Variants in CUL9 observed in about 807,000 individuals in gnomAD.
The protein encoded by CUL9 is cullin-9.
CUL9 carries 79 observed loss-of-function variants against 272.6 expected under a neutral mutation model. The ratio of observed to expected loss-of-function variants is 0.29; its 90% confidence interval spans 0.24 to 0.35. The LOEUF (loss-of-function observed/expected upper bound fraction) is 0.35. Ranked by LOEUF, CUL9 falls within the 10% of genes least tolerant of loss-of-function variation. The pLI, the probability that CUL9 is intolerant of heterozygous loss-of-function variation, is 1.00. For synonymous variants in CUL9, 1,186 were observed against 1,286.5 expected (o/e 0.92, Z 1.67); for missense variants, 2,532 against 3,255.6 (o/e 0.78, Z 5.41).
At chr6:43,208,551 A>G (rs1033040089) in intron 26 of CUL9, among the ~76,000 whole-genome samples, 1 of 152,166 alleles carries the variant, frequency 6.6e-6, no homozygotes, top group Non-Finnish European at 1.5e-5. Flanking sequence ...AATGGCTACT[A>G]TGATGGACCA....
chr6:43,195,139 T>A (rs1773886298), intron 9 of CUL9, among the ~76,000 whole-genome samples: 1 of 152,160 alleles, frequency 6.6e-6, no homozygotes, highest in African/African-American at 2.4e-5. Context: ...GGGAGGGTGG[T>A]GTAACTACAG....
In CUL9 at chr6:43,186,410, C is replaced by G; in HGVS notation, c.1206C>G (p.Asp402Glu). Residue 402 changes from aspartate (D) to glutamate (E), a missense_variant, in exon 4 of 41, where the codon GAC becomes GAG. Transcript: ENST00000252050. The stretch of plus-strand genomic sequence containing the variant: ...ATTATGAGGAGATCAGTGCTGGGGA[C>G]GAGGGCGAGTTCCGGCAGAGCAACA... ...LDDYEEISAG[D>E]EGEFRQSNNG... 1 of 1,605,442 alleles carries G rather than the reference C, an allele frequency of 6.2e-7. No individual in the cohort carries two copies.
At chr6:43,197,690 G>T (rs1263883632) in intron 11 of CUL9, among the ~76,000 whole-genome samples, 1 of 151,876 alleles carries the variant, frequency 6.6e-6, no homozygotes, top group Non-Finnish European at 1.5e-5. Context: ...CACCATGTTG[G>T]TCAGGCCGGT....
chr6:43,191,130 C>A (rs554838539), intron 8 of CUL9, among the ~76,000 whole-genome samples: 1 of 151,838 alleles, frequency 6.6e-6, no homozygotes, highest in Non-Finnish European at 1.5e-5. Context: ...CAAAAATACC[C>A]ATGATTTTGT....
chr6:43,184,524 G>C lies in CUL9; in HGVS notation c.214G>C (p.Val72Leu). ...HILMWLSAPE[V>L]YANCPGLLGE... ...CCTCATGTGGCTGTCGGCTCCTGAG[G>C]TCTACGCCAACTGCCCTGGGCTGTT... The change falls in exon 2 of 41, where the codon GTC (valine) becomes CTC (leucine). Residue 72 changes from valine to leucine, a missense_variant. Coordinates refer to ENST00000252050, the MANE Select transcript of CUL9 (RefSeq NM_015089.4). The surrounding 1 kb of genome is among the most constrained non-coding windows in gnomAD (Gnocchi z 4.8). 12 of 1,612,798 alleles carry C rather than the reference G, an allele frequency of 7.4e-6. No individual in the cohort carries two copies. Among genetic ancestry groups the C allele is most frequent in the Non-Finnish European group, 1.0e-5 (12 of 1,179,042 alleles).
Position 43,206,042 on chromosome 6 carries a change from C to T in CUL9, c.4829C>T (p.Ser1610Leu), listed in dbSNP as rs376817499. 1.4e-5 allele frequency: 22 copies of T among 1,613,944 alleles called. No individual in the cohort carries two copies. The highest frequency in any genetic ancestry group is 9.9e-5 in the South Asian group (9 of 91,076). Residue 1610 changes from serine (S) to leucine (L), a missense_variant, in exon 25 of 41, where the codon TCG becomes TTG. Physicochemically the swap from Ser to Leu is moderately radical, Grantham distance 145 (BLOSUM62 -2). Transcript: ENST00000252050. This position sits in a 1 kb window ranked among gnomAD's most constrained non-coding sequence, Gnocchi z 4.8. ...YMADRLLSFG[S>L]SWLEGAVLEQ... ...GCGGACCGTCTCCTGAGCTTTGGTT[C>T]GAGCTGGCTGGAGGGGGCTGTGCTA...
At position 43,222,560 on chromosome 6, in the gene CUL9, G is replaced by A. The variant is rs1316958934; in HGVS notation, c.6951G>A (p.Val2317=). 1 of 1,613,734 alleles carries A rather than the reference G, an allele frequency of 6.2e-7. No homozygotes were observed. Among genetic ancestry groups the A allele is most frequent in the Non-Finnish European group, 8.5e-7 (1 of 1,180,046 alleles). The stretch of plus-strand genomic sequence containing the variant: ...TTGCTGTGAACTTGCGGAACCGGGT[G>A]TCTGCCATCCATGAAGTGCCCCCGC... The part of the protein sequence containing the change: ...REFAVNLRNR[V]SAIHEVPPPR... The change falls in exon 37 of 41, where the codon GTG becomes GTA. Residue 2317 remains valine (V), a synonymous_variant. Coordinates refer to ENST00000252050, the MANE Select transcript of CUL9 (RefSeq NM_015089.4).
In CUL9 at chr6:43,213,002, G is replaced by GAAGCTT; in HGVS notation, c.5213-146_5213-141dup. 1.1e-6 allele frequency: 1 copy of GAAGCTT among 872,498 alleles called. No homozygotes were observed. Among genetic ancestry groups the GAAGCTT allele is most frequent in the Non-Finnish European group, 1.7e-6 (1 of 578,874 alleles). 54.0% of individuals were successfully genotyped at this position (872,498 alleles called of 1,614,324 possible). ...CAGGCGCAGGGAAGGCTGAGATCTG[G>GAAGCTT]AAGCTTGACAAGGTATCTCTCTGTC... On this transcript the variant is annotated intron_variant, in intron 26 of 40. Transcript: ENST00000252050. The surrounding 1 kb of genome is among the most constrained non-coding windows in gnomAD (Gnocchi z 5.7).
chr6:43,206,486 C>A lies in CUL9; in HGVS notation c.5188C>A (p.Arg1730Ser). ...LPTEFCDALD[R>S]FSSFYSQSQN... is the part of the protein sequence containing the mutation. ...CACAGAATTCTGTGATGCCCTTGAC[C>A]GTTTCTCCAGTTTCTACAGCCAGAG... Residue 1730 changes from arginine to serine, a missense_variant, in exon 26 of 41, where the codon CGT becomes AGT. Coordinates refer to ENST00000252050, the MANE Select transcript of CUL9 (RefSeq NM_015089.4). The surrounding 1 kb of genome is among the most constrained non-coding windows in gnomAD (Gnocchi z 4.8). 1.9e-6 allele frequency: 3 copies of A among 1,614,150 alleles called. No individual in the cohort carries two copies. The highest frequency in any genetic ancestry group is 2.5e-6 in the Non-Finnish European group (3 of 1,180,030).
At chr6:43,214,240 C>T (rs1322480417) in intron 29 of CUL9, among the ~76,000 whole-genome samples, 5 of 150,614 alleles carry the variant, frequency 3.3e-5, no homozygotes, top group Admixed American at 1.3e-4. Flanking sequence ...GCCAACATGG[C>T]GAAACCCTGT....
chr6:43,193,244 G>C, intron 9 of CUL9, 36 bp downstream of exon 9: 1 of 1,589,778 alleles, frequency 6.3e-7, no homozygotes, highest in Non-Finnish European at 8.6e-7. Context: ...AGAACAATGG[G>C]CAAGACAGGC....
chr6:43,198,934 G>GT, intron 12 of CUL9, 79 bp downstream of exon 12: 11 of 1,446,052 alleles, frequency 7.6e-6, no homozygotes, highest in Admixed American at 4.7e-5. Context: ...TTTCTTTTCT[G>GT]TTTTCTTTTT....
chr6:43,215,207 G>C lies in CUL9; in HGVS notation c.5817G>C (p.Val1939=). 1 of 1,614,224 alleles carries C rather than the reference G, an allele frequency of 6.2e-7. No homozygotes were observed. The highest frequency in any genetic ancestry group is 1.1e-5 in the South Asian group (1 of 91,084). ...TGCACCTCTTAGGCCAGGGCTACGT[G>C]AAACGGCGTGATGACCGGCCCCAGA... ...CILHLLGQGY[V]KRRDDRPQIL... The change falls in exon 30 of 41, where the codon GTG becomes GTC. Residue 1939 remains valine, a synonymous_variant. Coordinates refer to ENST00000252050, the MANE Select transcript of CUL9 (RefSeq NM_015089.4).
chr6:43,209,955 C>CTTTTTATTTTATTTTG (rs1344246480), intron 26 of CUL9, among the ~76,000 whole-genome samples: 7 of 151,794 alleles, frequency 4.6e-5, no homozygotes, highest in South Asian at 4.2e-4. Flanking sequence ...CCCTTTTGTA[C>CTTTTTATTTTATTTTG]TTTTTATTTT....
Position 43,213,924 on chromosome 6 carries a change from G to A in CUL9, c.5688+12G>A, listed in dbSNP as rs1215734825. ...AGCTGGTTTGTCTGGTAGGCAGAGAGGGGACCATGAAGTTGGCGGAGGGAG... is the reference window on the plus strand; with the variant it reads ...AGCTGGTTTGTCTGGTAGGCAGAGAAGGGACCATGAAGTTGGCGGAGGGAG... On this transcript the variant is annotated intron_variant, in intron 29 of 40. Coordinates refer to ENST00000252050, the MANE Select transcript of CUL9 (RefSeq NM_015089.4). This position sits in a 1 kb window ranked among gnomAD's most constrained non-coding sequence, Gnocchi z 5.7. 6.2e-7 allele frequency: 1 copy of A among 1,613,884 alleles called. No individual in the cohort carries two copies. Among genetic ancestry groups the A allele is most frequent in the Non-Finnish European group, 8.5e-7 (1 of 1,179,996 alleles).
rs373148643 is a variant in CUL9 at position 43,221,313 on chromosome 6, G to T, written c.6744G>T (p.Gly2248=). The change falls in exon 34 of 41, where the codon GGG becomes GGT. Residue 2248 remains glycine, a synonymous_variant. Coordinates refer to ENST00000252050, the MANE Select transcript of CUL9 (RefSeq NM_015089.4). This position sits in a 1 kb window ranked among gnomAD's most constrained non-coding sequence, Gnocchi z 4.2. The part of the protein sequence containing the change: ...SCQAPIEKNE[G]CLHMTCAKCN... ...AGGCTCCCATCGAGAAGAACGAGGGGTGCCTGCAGTAAGAAGGGGGGTACT... is the reference window on the plus strand; with the variant it reads ...AGGCTCCCATCGAGAAGAACGAGGGTTGCCTGCAGTAAGAAGGGGGGTACT... 7.3e-5 allele frequency: 117 copies of T among 1,604,872 alleles called. No homozygotes were observed. In the African/African-American group the frequency reaches 1.3e-3, roughly 18 times the overall value.
chr6:43,214,522 C>T (rs371325724), intron 29 of CUL9, among the ~76,000 whole-genome samples: 6 of 151,888 alleles, frequency 4.0e-5, no homozygotes, highest in Admixed American at 1.3e-4. Context: ...TAGTAGTGGC[C>T]GGGCGCGGTG....
chr6:43,216,326 T>C lies in CUL9; in HGVS notation c.6105T>C (p.Ala2035=). 1.9e-6 allele frequency: 3 copies of C among 1,614,186 alleles called. No individual in the cohort carries two copies. The highest frequency in any genetic ancestry group is 2.5e-6 in the Non-Finnish European group (3 of 1,180,024). The change falls in exon 31 of 41, where the codon GCT becomes GCC. Residue 2035 remains alanine, a synonymous_variant. Coordinates refer to ENST00000252050, the MANE Select transcript of CUL9 (RefSeq NM_015089.4). ...TTTTGGCTCATTCCCACTGGGGCGC[T>C]GAACAGCTGCTGCAGAGCTACAGTG... is the stretch of plus-strand genomic sequence containing the variant. ...QHLLAHSHWG[A]EQLLQSYSED...
At position 43,222,170 on chromosome 6, in the gene CUL9, T is replaced by A. The variant is rs1433205914; in HGVS notation, c.6847-146T>A. 39 of 700,012 alleles carry A rather than the reference T, an allele frequency of 5.6e-5. No homozygotes were observed. In the Middle Eastern group the frequency reaches 1.3e-3, roughly 24 times the overall value. The allele number at this position is 700,012 out of a possible 1,614,324, so 43.4% of individuals were successfully genotyped here. On this transcript the variant is annotated intron_variant, in intron 35 of 40. Transcript: ENST00000252050. ...GCCTCTGCAAAAGGGGTGAATAATA[T>A]GACCTACTCCACACAGTCATGAGGA...
Sources: allele counts gnomAD v4.1 joint callset (sites outside exome capture counted in the v4.1 genomes callset), GRCh38; gene constraint gnomAD v4.1.1; non-coding constraint Gnocchi (gnomAD v3.1); transcripts MANE v1.5; gene names NCBI Gene and HGNC (gene_info 2026-07-23, HGNC 2026-07-21).